Variants in RPA3 observed in about 807,000 individuals in gnomAD.
RPA3 encodes replication protein A 14 kDa subunit.
A neutral mutation model predicts 13.7 loss-of-function variants in RPA3; 24 were observed. That is an observed-to-expected ratio of 1.75 (90% CI 1.27 to 2.46). The LOEUF is 2.46. Ranked by LOEUF, RPA3 falls within the 30% of genes most tolerant of loss-of-function variation. RPA3 has a pLI of 0.00. For synonymous variants in RPA3, 59 were observed against 51.2 expected, an observed-to-expected ratio of 1.15 and a Z score of -0.65; for missense variants, 183 against 151.0, an observed-to-expected ratio of 1.21 and a Z score of -1.11.
intron 4 of RPA3, among the ~76,000 whole-genome samples, chr7:7,684,864 A>C (rs1780004699): frequency 6.6e-6 from 1 of 152,196 alleles, no homozygotes; most frequent in African/African-American, 2.4e-5. Context: ...TGACTGTTTC[A>C]CTATGGTACT....
chr7:7,717,206 G>T (rs1780937834), intron 1 of RPA3, among the ~76,000 whole-genome samples: 1 of 151,842 alleles, frequency 6.6e-6, no homozygotes, highest in African/African-American at 2.4e-5. Context: ...ACCGGTATGC[G>T]CCACCACGCC....
chr7:7,694,986 T>A (rs929839604), intron 2 of RPA3, among the ~76,000 whole-genome samples: 7 of 152,232 alleles, frequency 4.6e-5, no homozygotes, highest in Admixed American at 2.6e-4. Flanking sequence ...GTGGTTGTAC[T>A]AATTTACATT....
At chr7:7,661,523 C>T (rs1464996065) in intron 4 of RPA3, among the ~76,000 whole-genome samples, 1 of 152,148 alleles carries the variant, frequency 6.6e-6, no homozygotes, top group Non-Finnish European at 1.5e-5. Flanking sequence ...GATGTTGATG[C>T]TCCTCCTTTC....
At position 7,640,432 on chromosome 7, in the gene RPA3, G is replaced by A. The variant is rs368155361; in HGVS notation, c.-14C>T. 6 of 1,612,716 alleles carry A rather than the reference G, an allele frequency of 3.7e-6. 1 individual carries two copies. In the South Asian group the frequency reaches 4.4e-5, roughly 12 times the overall value. On this transcript the variant is annotated 5_prime_UTR_variant, in exon 5 of 8. Coordinates refer to ENST00000223129, the MANE Select transcript of RPA3 (RefSeq NM_002947.5). The stretch of plus-strand genomic sequence containing the variant: ...CATGTCCACCATGATTATGGTCCAA[G>A]ACTGCGGCTGGCGGGAAACCCACGG...
intron 7 of RPA3, 90 bp from the exon 8 acceptor site, chr7:7,637,172 T>C: frequency 1.0e-6 from 1 of 961,728 alleles, no homozygotes; most frequent in Non-Finnish European, 1.6e-6. Flanking sequence ...ATTTCCTTTT[T>C]CTCACCCTTT....
At chr7:7,690,481 A>G (rs1780147406) in intron 2 of RPA3, among the ~76,000 whole-genome samples, 1 of 152,156 alleles carries the variant, frequency 6.6e-6, no homozygotes, top group Non-Finnish European at 1.5e-5. Context: ...AAAATATTGT[A>G]TTAATCTTAT....
chr7:7,698,903 C>G (rs548722068), intron 2 of RPA3, among the ~76,000 whole-genome samples: 27 of 150,466 alleles, frequency 1.8e-4, no homozygotes, highest in African/African-American at 6.6e-4. Context: ...CAGTCTCACC[C>G]TGTTGCCCAG....
chr7:7,668,455 A>G (rs2115101455), intron 4 of RPA3, among the ~76,000 whole-genome samples: 1 of 152,306 alleles, frequency 6.6e-6, no homozygotes, highest in East Asian at 1.9e-4. Context: ...ATATATTGTT[A>G]TAGTTCTATT....
intron 5 of RPA3, 181 bp downstream of exon 5, chr7:7,640,139 A>T (rs182104956): frequency 2.8e-4 from 183 of 646,004 alleles, no homozygotes; most frequent in Admixed American, 1.1e-3. Context: ...TCCGTGCCAT[A>T]AAAGAGCGCC....
At chr7:7,685,616 C>G (rs941664138) in intron 4 of RPA3, among the ~76,000 whole-genome samples, 1 of 152,142 alleles carries the variant, frequency 6.6e-6, no homozygotes. Flanking sequence ...CCACATTAAT[C>G]TTTATAAATG....
At chr7:7,677,809 G>C (rs1359076945) in intron 4 of RPA3, among the ~76,000 whole-genome samples, 2 of 149,582 alleles carry the variant, frequency 1.3e-5, no homozygotes, top group East Asian at 3.9e-4. Context: ...AAGTAGCTGG[G>C]ACTACAGGCG....
intron 4 of RPA3, among the ~76,000 whole-genome samples, chr7:7,680,304 C>A (rs1005444078): frequency 6.6e-6 from 1 of 152,114 alleles, no homozygotes; most frequent in Non-Finnish European, 1.5e-5. Flanking sequence ...ACTTCCTTTT[C>A]CCAATGTATA....
At chr7:7,681,248 A>T (rs560999148) in intron 4 of RPA3, among the ~76,000 whole-genome samples, 1 of 152,226 alleles carries the variant, frequency 6.6e-6, no homozygotes, top group South Asian at 2.1e-4. Flanking sequence ...TCCACTTGAG[A>T]ATACCTTTTC....
intron 2 of RPA3, among the ~76,000 whole-genome samples, chr7:7,708,460 A>C (rs1220868004): frequency 6.6e-6 from 1 of 152,214 alleles, no homozygotes; most frequent in Non-Finnish European, 1.5e-5. Flanking sequence ...TGTATTTATT[A>C]GACAGCATTT....
At chr7:7,660,966 A>G (rs963587437) in intron 4 of RPA3, among the ~76,000 whole-genome samples, 1 of 151,420 alleles carries the variant, frequency 6.6e-6, no homozygotes, top group African/African-American at 2.4e-5. Context: ...GTCTTTTCAC[A>G]TAGTCCCATA....
intron 3 of RPA3, 51 bp from the exon 4 acceptor site, chr7:7,686,049 C>G (rs1780035448): frequency 6.6e-6 from 1 of 152,162 alleles, no homozygotes; most frequent in South Asian, 2.1e-4. Context: ...GCATTTTAAG[C>G]AAGCAATGCA....
Position 7,640,707 on chromosome 7 carries a change from C to A in RPA3, c.-289G>T. On this transcript the variant is annotated 5_prime_UTR_variant, in exon 5 of 8. Transcript: ENST00000223129. ...AGTGGAGGCGGGACTTGGATAGGGG[C>A]GGAACCTGAGACTACCTTTCTGCGA... 1 of 393,430 alleles carries A rather than the reference C, an allele frequency of 2.5e-6. No homozygotes were observed. The highest frequency in any genetic ancestry group is 3.1e-5 in the South Asian group (1 of 31,908). The allele number at this position is 393,430 out of a possible 1,614,324, so 24.4% of individuals were successfully genotyped here. A position where few individuals can be genotyped will look rare whatever the true frequency, so the allele number is the denominator to read the frequency against.
chr7:7,669,077 G>C (rs1357696293), intron 4 of RPA3, among the ~76,000 whole-genome samples: 1 of 92,070 alleles, frequency 1.1e-5, no homozygotes, highest in East Asian at 4.8e-4. Context: ...CCCCAGCTGG[G>C]AATCAAGTTT....
At chr7:7,716,655 A>AGGCCGGCGC (rs766158371) in intron 1 of RPA3, among the ~76,000 whole-genome samples, 16 of 152,228 alleles carry the variant, frequency 1.1e-4, no homozygotes, top group Middle Eastern at 3.2e-3. Flanking sequence ...ATTAGGGTGG[A>AGGCCGGCGC]GGCCGGCGCG....
Sources: allele counts gnomAD v4.1 joint callset (sites outside exome capture counted in the v4.1 genomes callset), GRCh38; gene constraint gnomAD v4.1.1; transcripts MANE v1.5; gene names NCBI Gene and HGNC (gene_info 2026-07-23, HGNC 2026-07-21).